The following TASP1 variants were observed in gnomAD, a reference collection of about 807,000 sequenced individuals.
TASP1 encodes the protein taspase 1.
Under a neutral mutation model 56.6 loss-of-function variants are expected in TASP1, and 16 were observed. The observed-to-expected ratio is 0.28, with a 90% CI of 0.19 to 0.43. TASP1 has a LOEUF of 0.43. Ranked by LOEUF, TASP1 falls within the 20% of genes least tolerant of loss-of-function variation. The probability of loss-of-function intolerance (pLI) is 1.00; values close to 1 mark genes in which losing one functional copy is unlikely to be tolerated. For synonymous variants in TASP1, 179 were observed against 184.2 expected, an observed-to-expected ratio of 0.97 and a Z score of 0.23; for missense variants, 393 against 511.6, an observed-to-expected ratio of 0.77 and a Z score of 2.24.
At chr20:13,472,040 C>A (rs981801667) in intron 11 of TASP1, among the ~76,000 whole-genome samples, 1 of 151,834 alleles carries the variant, frequency 6.6e-6, no homozygotes, top group East Asian at 1.9e-4. Flanking sequence ...CCAAGACAAT[C>A]CTAAGCAAAA....
intron 10 of TASP1, among the ~76,000 whole-genome samples, chr20:13,497,783 C>G (rs942068527): frequency 6.6e-6 from 1 of 152,156 alleles, no homozygotes; most frequent in Non-Finnish European, 1.5e-5. Flanking sequence ...GGTAAAAAAA[C>G]AGACACATAG....
the TASP1 span, among the ~76,000 whole-genome samples, chr20:13,280,768 G>A: frequency 6.6e-6 from 1 of 152,196 alleles, no homozygotes; most frequent in Non-Finnish European, 1.5e-5. Context: ...CCCCACCTTG[G>A]TGCAAGGGAG....
At chr20:13,567,520 T>C (rs186209133) in intron 7 of TASP1, among the ~76,000 whole-genome samples, 1 of 151,960 alleles carries the variant, frequency 6.6e-6, no homozygotes, top group African/African-American at 2.4e-5. Context: ...CTGAAGCATA[T>C]AAATGTCCAG....
intron 4 of TASP1, among the ~76,000 whole-genome samples, chr20:13,607,006 G>C (rs1708502713): frequency 6.6e-6 from 1 of 152,118 alleles, no homozygotes; most frequent in African/African-American, 2.4e-5. Flanking sequence ...AATTCTTACA[G>C]GTTGCTCCTA....
intron 4 of TASP1, among the ~76,000 whole-genome samples, chr20:13,616,428 G>T (rs2048527374): frequency 6.6e-6 from 1 of 151,978 alleles, no homozygotes. Flanking sequence ...ACTAGATTCA[G>T]CCAGGATGAA....
chr20:13,465,848 A>G (rs1418571972), intron 11 of TASP1, among the ~76,000 whole-genome samples: 11 of 151,870 alleles, frequency 7.2e-5, no homozygotes, highest in Non-Finnish European at 1.6e-4. Context: ...TGGGTGGGTG[A>G]GTGATAGTCA....
At chr20:13,226,184 T>A in the TASP1 span, among the ~76,000 whole-genome samples, 1 of 151,248 alleles carries the variant, frequency 6.6e-6, no homozygotes, top group Non-Finnish European at 1.5e-5. Flanking sequence ...TTCCTAACTA[T>A]CATCTTTATG....
At chr20:13,388,453 G>A (rs752107123), downstream of TASP1, among the ~76,000 whole-genome samples, 1 of 152,062 alleles carries the variant, frequency 6.6e-6, no homozygotes, top group East Asian at 1.9e-4. Context: ...TCTTGGAGAC[G>A]CTGTGCTCTT....
At chr20:13,625,997 G>A (rs569591524) in intron 2 of TASP1, among the ~76,000 whole-genome samples, 37 of 152,260 alleles carry the variant, frequency 2.4e-4, no homozygotes, top group African/African-American at 8.2e-4. Flanking sequence ...AAACAAGAAG[G>A]AAACAAAGAC....
chr20:13,461,285 A>AT (rs1210127831), intron 11 of TASP1, among the ~76,000 whole-genome samples: 1 of 151,684 alleles, frequency 6.6e-6, no homozygotes, highest in Non-Finnish European at 1.5e-5. Context: ...TTTGTACTTC[A>AT]TTTTTCTCTG....
intron 5 of TASP1, among the ~76,000 whole-genome samples, chr20:13,584,515 CTA>C (rs996436787): frequency 1.5e-5 from 2 of 131,602 alleles, no homozygotes; most frequent in African/African-American, 5.9e-5. Context: ...ATAAGAGAAA[CTA>C]AAATTAAAAC....
chr20:13,458,900 C>G (rs2043947627), intron 11 of TASP1, among the ~76,000 whole-genome samples: 1 of 152,064 alleles, frequency 6.6e-6, no homozygotes, highest in South Asian at 2.1e-4. Flanking sequence ...ACAAACAAGG[C>G]TATATAAGGT....
the TASP1 span, among the ~76,000 whole-genome samples, chr20:13,113,252 T>G: frequency 6.6e-6 from 1 of 152,140 alleles, no homozygotes; most frequent in South Asian, 2.1e-4. Context: ...GTGAAGTCAA[T>G]AGTTCACAAA....
the TASP1 span, among the ~76,000 whole-genome samples, chr20:13,265,015 C>A: frequency 2.0e-5 from 3 of 152,164 alleles, no homozygotes; most frequent in African/African-American, 7.2e-5. Flanking sequence ...GGCTGTCAGA[C>A]CAAAGGCTGG....
intron 11 of TASP1, among the ~76,000 whole-genome samples, chr20:13,482,992 G>A (rs192529921): frequency 4.3e-4 from 65 of 152,192 alleles, no homozygotes; most frequent in African/African-American, 1.5e-3. Context: ...TACTATATGA[G>A]AGCCTTGTCA....
At chr20:13,353,659 G>A in the TASP1 span, among the ~76,000 whole-genome samples, 5 of 152,072 alleles carry the variant, frequency 3.3e-5, no homozygotes, top group African/African-American at 1.2e-4. Context: ...CAGCAATAAG[G>A]CACAAGTCCT....
At chr20:13,392,114 A>C (rs2041312280) in intron 13 of TASP1, among the ~76,000 whole-genome samples, 2 of 151,828 alleles carry the variant, frequency 1.3e-5, no homozygotes, top group South Asian at 4.1e-4. Context: ...GACTGTGTAG[A>C]CTCTAGAGTA....
intron 4 of TASP1, among the ~76,000 whole-genome samples, chr20:13,603,328 G>A (rs139631711): frequency 1.3e-4 from 19 of 151,914 alleles, no homozygotes; most frequent in African/African-American, 4.1e-4. Context: ...GCTTGAATCC[G>A]GCAGTTCAAG....
At chr20:13,129,716 C>T in the TASP1 span, among the ~76,000 whole-genome samples, 1 of 152,226 alleles carries the variant, frequency 6.6e-6, no homozygotes, top group Non-Finnish European at 1.5e-5. Context: ...ACAGACAAAA[C>T]TTGCTCTATT....
Sources: gnomAD v4.1 joint callset for allele counts (sites outside exome capture counted in the v4.1 genomes callset) on GRCh38, gnomAD v4.1.1 for gene constraint, MANE v1.5 for transcripts, NCBI Gene and HGNC (gene_info 2026-07-23, HGNC 2026-07-21) for gene names.